EVI5: variants seen among roughly 807,000 people sequenced by gnomAD.
The protein encoded by EVI5 is ecotropic viral integration site 5 protein homolog.
A neutral mutation model predicts 112.0 loss-of-function variants in EVI5; 73 were observed. The observed-to-expected ratio is 0.65, with a 90% confidence interval of 0.54 to 0.79. The LOEUF (loss-of-function observed/expected upper bound fraction) is 0.79, where lower values mean the gene tolerates loss of function less well. EVI5 is among the 30% of genes least tolerant of loss of function. The pLI, the probability that EVI5 is intolerant of heterozygous loss-of-function variation, is 0.00. For synonymous variants in EVI5, 305 were observed against 319.9 expected, an observed-to-expected ratio of 0.95 and a Z score of 0.50; for missense variants, 900 against 968.8, an observed-to-expected ratio of 0.93 and a Z score of 0.94.
At chr1:92,742,427 C>T (rs1165155817) in intron 1 of EVI5, among the ~76,000 whole-genome samples, 1 of 151,924 alleles carries the variant, frequency 6.6e-6, no homozygotes, top group Non-Finnish European at 1.5e-5. Flanking sequence ...AATCCCAGCA[C>T]TTCGGGAGGC....
At chr1:92,783,663 T>C (rs1685183957) in intron 1 of EVI5, among the ~76,000 whole-genome samples, 1 of 150,812 alleles carries the variant, frequency 6.6e-6, no homozygotes, top group South Asian at 2.1e-4. Context: ...AATACAAAAA[T>C]TAGCTGGGAG....
At chr1:92,702,441 C>CATAAAATAAAATAAAATAAAATAAA (rs57227203) in intron 4 of EVI5, among the ~76,000 whole-genome samples, 28 of 140,212 alleles carry the variant, frequency 2.0e-4, no homozygotes, top group African/African-American at 6.1e-4. Flanking sequence ...GCTCTAAAGA[C>CATAAAATAAAATAAAATAAAATAAA]ATAAAATAAA....
intron 1 of EVI5, among the ~76,000 whole-genome samples, chr1:92,780,850 A>G (rs1312859338): frequency 6.7e-6 from 1 of 148,790 alleles, no homozygotes; most frequent in East Asian, 1.9e-4. Context: ...AAAAAAAAGT[A>G]AATTTTTTTT....
At chr1:92,761,017 C>T (rs1008680462) in intron 1 of EVI5, among the ~76,000 whole-genome samples, 1 of 137,044 alleles carries the variant, frequency 7.3e-6, no homozygotes, top group Non-Finnish European at 1.5e-5. Flanking sequence ...GAGATAGCGC[C>T]ACTGCACTCC....
At chr1:92,615,194 T>G (rs994629278) in intron 16 of EVI5, among the ~76,000 whole-genome samples, 22 of 152,190 alleles carry the variant, frequency 1.4e-4, no homozygotes, top group African/African-American at 5.1e-4. Context: ...TTAGTGACTC[T>G]ATACATAATA....
At chr1:92,725,026 C>T (rs1675354570) in intron 2 of EVI5, among the ~76,000 whole-genome samples, 1 of 152,050 alleles carries the variant, frequency 6.6e-6, no homozygotes, top group Admixed American at 6.6e-5. Context: ...CATTGCAAGT[C>T]AGATAAACCA....
intron 13 of EVI5, among the ~76,000 whole-genome samples, chr1:92,639,739 A>C (rs766202803): frequency 9.2e-5 from 14 of 152,216 alleles, no homozygotes; most frequent in Admixed American, 1.3e-4. Context: ...ACTACCATTG[A>C]CATTCTTCAC....
At chr1:92,753,943 A>C (rs1041035014) in intron 1 of EVI5, among the ~76,000 whole-genome samples, 2 of 152,226 alleles carry the variant, frequency 1.3e-5, no homozygotes, top group African/African-American at 4.8e-5. Context: ...GAAAAAATTT[A>C]GCTTCAGTTA....
At chr1:92,693,768 C>T in intron 9 of EVI5, 34 bp downstream of exon 9, 2 of 1,153,738 alleles carry the variant, frequency 1.7e-6, no homozygotes, top group South Asian at 1.3e-5. Flanking sequence ...TTGCAACTTC[C>T]ACTGAATTTC....
At chr1:92,643,284 CT>C (rs1660325137) in intron 13 of EVI5, among the ~76,000 whole-genome samples, 1 of 135,804 alleles carries the variant, frequency 7.4e-6, no homozygotes, top group African/African-American at 2.7e-5. Context: ...AATAAATTAA[CT>C]CAAATCTTTT....
chr1:92,789,563 A>T (rs1685934257), upstream of EVI5, among the ~76,000 whole-genome samples: 1 of 152,106 alleles, frequency 6.6e-6, no homozygotes, highest in East Asian at 1.9e-4. Flanking sequence ...CAGCCTCCCA[A>T]AGTGCTGAGA....
chr1:92,790,463 A>G (rs998694430), intron 1 of EVI5, among the ~76,000 whole-genome samples: 8 of 152,132 alleles, frequency 5.3e-5, no homozygotes, highest in Non-Finnish European at 7.4e-5. Flanking sequence ...CTATTAAAGA[A>G]AAAGGAGACA....
At chr1:92,588,066 G>C (rs1192249369) in intron 18 of EVI5, among the ~76,000 whole-genome samples, 1 of 152,084 alleles carries the variant, frequency 6.6e-6, no homozygotes, top group Non-Finnish European at 1.5e-5. Context: ...TAAAAATAAA[G>C]TCTTCAAATA....
At chr1:92,606,050 A>G (rs1466943718) in intron 17 of EVI5, among the ~76,000 whole-genome samples, 3 of 152,222 alleles carry the variant, frequency 2.0e-5, no homozygotes, top group Admixed American at 2.0e-4. Context: ...AGGCATCACG[A>G]AAGATTGAAT....
chr1:92,775,135 G>C (rs1683942456), intron 1 of EVI5, among the ~76,000 whole-genome samples: 1 of 152,166 alleles, frequency 6.6e-6, no homozygotes, highest in African/African-American at 2.4e-5. Context: ...ACATATAAGA[G>C]GGTAGTCCCT....
At chr1:92,707,389 A>G (rs1177187764) in intron 2 of EVI5, among the ~76,000 whole-genome samples, 1 of 152,104 alleles carries the variant, frequency 6.6e-6, no homozygotes, top group Admixed American at 6.6e-5. Flanking sequence ...AGAAGAAAAA[A>G]AAAAGTCTAA....
At chr1:92,676,122 C>G (rs960615270) in intron 10 of EVI5, among the ~76,000 whole-genome samples, 1 of 149,660 alleles carries the variant, frequency 6.7e-6, no homozygotes, top group African/African-American at 2.5e-5. Context: ...GAAAAGGTGA[C>G]AGAAATGGGA....
intron 2 of EVI5, among the ~76,000 whole-genome samples, chr1:92,735,652 A>C (rs1425993799): frequency 2.1e-5 from 3 of 142,318 alleles, no homozygotes; most frequent in Non-Finnish European, 3.0e-5. Flanking sequence ...ATATATATAT[A>C]ATTATATAAT....
At position 92,513,689 on chromosome 1, in the gene EVI5, C is replaced by T. The variant is rs138799860; in HGVS notation, c.2448G>A (p.Pro816=). The T allele has an allele frequency of 1.1e-5, 18 of 1,610,842 alleles. 1 individual carries two copies. Among genetic ancestry groups the T allele is most frequent in the Admixed American group, 8.4e-5 (5 of 59,458 alleles). The change falls in exon 20 of 20, where the codon CCG becomes CCA. Residue 816 remains proline (P), a synonymous_variant. Coordinates refer to ENST00000684568, the MANE Select transcript of EVI5 (RefSeq NM_001350197.2). ...TGGTTGAATACGACTCTCTTCTTCT[C>T]GGGGGCCGCTCCTTTTGAACCACTT... is the stretch of plus-strand genomic sequence containing the variant. ...SNQVVQKERP[P]RRRESYSTTV is the part of the protein sequence containing the mutation.
Sources: gnomAD v4.1 joint callset for allele counts (sites outside exome capture counted in the v4.1 genomes callset) on GRCh38, gnomAD v4.1.1 for gene constraint, MANE v1.5 for transcripts, NCBI Gene and HGNC (gene_info 2026-07-23, HGNC 2026-07-21) for gene names.